Variants in KCNN2 observed in about 807,000 individuals in gnomAD.
KCNN2 encodes the protein potassium calcium-activated channel subfamily N member 2.
A neutral mutation model predicts 55.5 loss-of-function variants in KCNN2; 24 were observed. The ratio of observed to expected loss-of-function variants is 0.43; its 90% confidence interval spans 0.31 to 0.61. The LOEUF (loss-of-function observed/expected upper bound fraction) is 0.61, where lower values mean the gene tolerates loss of function less well. Among genes scored for constraint, KCNN2 ranks in the 20% least tolerant of loss-of-function variants. KCNN2 has a pLI of 0.08. For synonymous variants in KCNN2, 431 were observed against 336.1 expected (o/e 1.28, Z -3.09); for missense variants, 754 against 853.6 (o/e 0.88, Z 1.45).
chr5:114,465,723 G>A (rs551841225), intron 4 of KCNN2, among the ~76,000 whole-genome samples: 141 of 152,230 alleles, frequency 9.3e-4, no homozygotes, highest in African/African-American at 3.1e-3. Context: ...TAAGCTTATG[G>A]TAAAAGAGTC....
chr5:114,240,816 T>C (rs543116901), intron 2 of KCNN2, among the ~76,000 whole-genome samples: 3 of 152,286 alleles, frequency 2.0e-5, no homozygotes, highest in African/African-American at 7.2e-5. Flanking sequence ...AAGATTTTAG[T>C]TAACATAATG....
chr5:114,253,871 A>G (rs569609471), intron 2 of KCNN2: 1 of 152,288 alleles, frequency 6.6e-6, no homozygotes, highest in East Asian at 1.9e-4. Context: ...AGATTGTTAG[A>G]TGTATATTAA....
chr5:114,083,625 T>C (rs1167492498), intron 1 of KCNN2, among the ~76,000 whole-genome samples: 1 of 152,134 alleles, frequency 6.6e-6, no homozygotes, highest in Admixed American at 6.6e-5. Flanking sequence ...TTTATGGATT[T>C]CTCTGTTATT....
At chr5:114,065,241 C>T (rs192515121) in intron 1 of KCNN2, among the ~76,000 whole-genome samples, 2 of 152,296 alleles carry the variant, frequency 1.3e-5, no homozygotes, top group Admixed American at 1.3e-4. Context: ...CTTTCTAGCT[C>T]TCTCCTGTTT....
intron 2 of KCNN2, among the ~76,000 whole-genome samples, chr5:114,272,441 TAC>T (rs1423849981): frequency 0.022 from 342 of 15,206 alleles, 16 homozygotes; most frequent in African/African-American, 0.029. Context: ...ACATATCATA[TAC>T]ACACATATGT....
intron 4 of KCNN2, among the ~76,000 whole-genome samples, chr5:114,471,683 TTCTC>T (rs1761753223): frequency 6.6e-6 from 1 of 152,222 alleles, no homozygotes; most frequent in Non-Finnish European, 1.5e-5. Flanking sequence ...GGCAACCTCT[TTCTC>T]TGATCATGTG....
chr5:114,056,327 C>G (rs1175900186), exon 1 of KCNN2: 2 of 398,496 alleles, frequency 5.0e-6, no homozygotes, highest in African/African-American at 2.1e-5. Flanking sequence ...ATGGTCCTGG[C>G]TAGGACTCCT....
chr5:114,283,371 T>A (rs1755663964), intron 2 of KCNN2, among the ~76,000 whole-genome samples: 1 of 152,308 alleles, frequency 6.6e-6, no homozygotes, highest in African/African-American at 2.4e-5. Context: ...TCAGTTCTAT[T>A]ATTTCTAGTT....
In KCNN2 at chr5:114,389,197, G is replaced by GT. The variant is rs540453706; in HGVS notation, c.1219-15235dup. Among the ~76,000 whole-genome samples the GT allele has an allele frequency of 1.6e-4, 25 of 152,142 alleles. No homozygotes were observed. In the East Asian group the frequency reaches 2.9e-3, roughly 18 times the overall value. ...AATAATTGTTTTCCTTTAAGCACCT[G>GT]TTTTTTCCCCATTGTATATGTTCGT... On this transcript the variant is annotated intron_variant, in intron 2 of 7. Transcript: ENST00000673685.
chr5:114,460,407 T>C (rs1207118750), intron 3 of KCNN2, among the ~76,000 whole-genome samples: 3 of 152,134 alleles, frequency 2.0e-5, no homozygotes, highest in African/African-American at 7.2e-5. Context: ...CATACCTGGC[T>C]AACTTTTGCA....
chr5:114,231,859 T>C (rs977353761), intron 2 of KCNN2, among the ~76,000 whole-genome samples: 1 of 150,838 alleles, frequency 6.6e-6, no homozygotes, highest in Admixed American at 6.6e-5. Flanking sequence ...CTTGTTTTTT[T>C]TTTCTGTTAA....
At chr5:114,124,707 C>G (rs1226492868) in intron 1 of KCNN2, among the ~76,000 whole-genome samples, 2 of 152,160 alleles carry the variant, frequency 1.3e-5, no homozygotes, top group Non-Finnish European at 2.9e-5. Flanking sequence ...CTCCTCTATT[C>G]TCAACATCTT....
At chr5:114,285,787 C>A (rs905162097) in intron 2 of KCNN2, among the ~76,000 whole-genome samples, 3 of 152,038 alleles carry the variant, frequency 2.0e-5, no homozygotes, top group South Asian at 4.2e-4. Flanking sequence ...TCTAAAAATT[C>A]TTGTGTATGT....
At chr5:114,423,108 G>A (rs1759517704) in intron 3 of KCNN2, among the ~76,000 whole-genome samples, 1 of 152,182 alleles carries the variant, frequency 6.6e-6, no homozygotes, top group African/African-American at 2.4e-5. Context: ...TTTTCATGGA[G>A]TACTATACCA....
At chr5:114,322,557 A>C (rs767028394) in intron 2 of KCNN2, among the ~76,000 whole-genome samples, 1 of 143,426 alleles carries the variant, frequency 7.0e-6, no homozygotes, top group African/African-American at 2.6e-5. Flanking sequence ...ACATGTGCAC[A>C]TATGCATACA....
chr5:114,318,248 G>T (rs1756540851), intron 2 of KCNN2, among the ~76,000 whole-genome samples: 1 of 152,142 alleles, frequency 6.6e-6, no homozygotes, highest in African/African-American at 2.4e-5. Flanking sequence ...TTAAAGACAG[G>T]TTCTCTAAGT....
chr5:114,273,829 C>T (rs1231792076), intron 2 of KCNN2, among the ~76,000 whole-genome samples: 9 of 152,192 alleles, frequency 5.9e-5, no homozygotes, highest in Non-Finnish European at 1.5e-5. Context: ...GTTTATTTTG[C>T]TGTGCAGAAG....
chr5:114,118,229 T>C (rs532029054), intron 1 of KCNN2, among the ~76,000 whole-genome samples: 2 of 152,220 alleles, frequency 1.3e-5, no homozygotes, highest in East Asian at 3.9e-4. Flanking sequence ...TCATTTGAAA[T>C]TCATTTTCAC....
intron 1 of KCNN2, among the ~76,000 whole-genome samples, chr5:114,156,759 CTT>C (rs1029237781): frequency 6.6e-6 from 1 of 151,774 alleles, no homozygotes; most frequent in Non-Finnish European, 1.5e-5. Context: ...AGTTGTTTCT[CTT>C]TTTTTTCCTA....
Sources: allele counts gnomAD v4.1 joint callset (sites outside exome capture counted in the v4.1 genomes callset), GRCh38; gene constraint gnomAD v4.1.1; transcripts MANE v1.5; gene names NCBI Gene and HGNC (gene_info 2026-07-23, HGNC 2026-07-21).